STARD13: variants seen among roughly 807,000 people sequenced by gnomAD.
STARD13 encodes the protein stAR-related lipid transfer protein 13.
In STARD13, 62 loss-of-function variants were observed where a neutral mutation model predicts 106.4. That is an observed-to-expected ratio of 0.58 (90% confidence interval 0.48 to 0.72). The LOEUF is 0.72. Among genes scored for constraint, STARD13 ranks in the 30% least tolerant of loss-of-function variants. STARD13 has a pLI of 0.00. For missense variants in STARD13, 1,387 were observed against 1,424.0 expected (o/e 0.97, Z 0.42); for synonymous variants, 565 against 553.0 (o/e 1.02, Z -0.31).
the STARD13 span, among the ~76,000 whole-genome samples, chr13:33,416,419 G>A: frequency 1.3e-5 from 2 of 152,194 alleles, no homozygotes; most frequent in African/African-American, 4.8e-5. Flanking sequence ...CAGATAGACT[G>A]GAAGTGTGCA....
At chr13:33,492,210 C>A in the STARD13 span, among the ~76,000 whole-genome samples, 2 of 152,130 alleles carry the variant, frequency 1.3e-5, no homozygotes, top group Non-Finnish European at 2.9e-5. Context: ...TGTATATGTG[C>A]AGGTCACAGG....
At chr13:33,423,746 A>G in the STARD13 span, among the ~76,000 whole-genome samples, 1 of 152,230 alleles carries the variant, frequency 6.6e-6, no homozygotes. Flanking sequence ...CATATACATC[A>G]TGGAATACTA....
At chr13:33,272,048 T>C (rs1416438131) in intron 1 of STARD13, among the ~76,000 whole-genome samples, 1 of 152,180 alleles carries the variant, frequency 6.6e-6, no homozygotes, top group Non-Finnish European at 1.5e-5. Context: ...TATGTTTATT[T>C]TCCAGATGAG....
chr13:33,158,829 G>A (rs1012785558), intron 3 of STARD13: 3 of 152,152 alleles, frequency 2.0e-5, no homozygotes, highest in Admixed American at 6.5e-5. Flanking sequence ...TGGATCTCAA[G>A]AGGAAGGGAA....
chr13:33,407,170 C>T, the STARD13 span, among the ~76,000 whole-genome samples: 4 of 152,312 alleles, frequency 2.6e-5, no homozygotes, highest in South Asian at 8.3e-4. Flanking sequence ...GCTACAAAGA[C>T]TAAAGGCATG....
chr13:33,652,249 C>G, the STARD13 span, among the ~76,000 whole-genome samples: 1 of 152,218 alleles, frequency 6.6e-6, no homozygotes, highest in Admixed American at 6.5e-5. Flanking sequence ...TCTCCCTCCT[C>G]AGCTTCAGCT....
At chr13:33,335,622 C>T (rs1184513514) in intron 1 of STARD13, among the ~76,000 whole-genome samples, 3 of 152,230 alleles carry the variant, frequency 2.0e-5, no homozygotes, top group Non-Finnish European at 4.4e-5. Context: ...AGGTTAGTAA[C>T]GGTAAGCATA....
At chr13:33,621,247 A>G in the STARD13 span, among the ~76,000 whole-genome samples, 1 of 152,172 alleles carries the variant, frequency 6.6e-6, no homozygotes, top group Non-Finnish European at 1.5e-5. Flanking sequence ...TATTAACATC[A>G]GCAGTAACAG....
chr13:33,582,218 T>G, the STARD13 span, among the ~76,000 whole-genome samples: 1 of 140,764 alleles, frequency 7.1e-6, no homozygotes, highest in African/African-American at 2.9e-5. Flanking sequence ...TGAGACTCCA[T>G]CTCAAAAAAA....
At chr13:33,342,757 T>C (rs963892476) in intron 1 of STARD13, among the ~76,000 whole-genome samples, 1 of 152,242 alleles carries the variant, frequency 6.6e-6, no homozygotes, top group Admixed American at 6.5e-5. Context: ...TCACAAAAGA[T>C]TATGTAATAT....
the STARD13 span, among the ~76,000 whole-genome samples, chr13:33,596,609 A>C: frequency 6.6e-6 from 1 of 152,158 alleles, no homozygotes; most frequent in Admixed American, 6.5e-5. Flanking sequence ...ATTGTTAACT[A>C]CAGTTACTAC....
At chr13:33,135,377 T>C (rs1878921317) in intron 4 of STARD13, among the ~76,000 whole-genome samples, 1 of 152,194 alleles carries the variant, frequency 6.6e-6, no homozygotes, top group Non-Finnish European at 1.5e-5. Flanking sequence ...CCAGTCTGGG[T>C]GTAGTCAAAT....
the STARD13 span, among the ~76,000 whole-genome samples, chr13:33,439,048 A>G: frequency 2.0e-5 from 3 of 152,236 alleles, no homozygotes; most frequent in Non-Finnish European, 2.9e-5. Flanking sequence ...GTTCCTTTCT[A>G]TGTATAAGCA....
chr13:33,320,902 C>A (rs1332207672), intron 1 of STARD13, among the ~76,000 whole-genome samples: 1 of 152,114 alleles, frequency 6.6e-6, no homozygotes. Context: ...TCCCTCTATG[C>A]AAGTAAACAC....
At chr13:33,382,512 T>C in the STARD13 span, among the ~76,000 whole-genome samples, 1 of 152,202 alleles carries the variant, frequency 6.6e-6, no homozygotes, top group Non-Finnish European at 1.5e-5. Context: ...GTCCTTTCAG[T>C]AGGCTCTGAA....
At chr13:33,533,424 T>C in the STARD13 span, among the ~76,000 whole-genome samples, 2 of 152,196 alleles carry the variant, frequency 1.3e-5, no homozygotes, top group African/African-American at 4.8e-5. Flanking sequence ...ACTGTTCTTG[T>C]GCCAAAAGGT....
At chr13:33,420,052 C>T in the STARD13 span, among the ~76,000 whole-genome samples, 1 of 152,288 alleles carries the variant, frequency 6.6e-6, no homozygotes, top group South Asian at 2.1e-4. Context: ...CAACAATTTA[C>T]AGGCAAAATA....
At chr13:33,311,798 G>A (rs897944179) in intron 1 of STARD13, among the ~76,000 whole-genome samples, 3 of 152,212 alleles carry the variant, frequency 2.0e-5, no homozygotes, top group African/African-American at 7.2e-5. Context: ...GCAGCCGTGA[G>A]AGAAGATGAG....
the STARD13 span, among the ~76,000 whole-genome samples, chr13:33,440,550 T>A: frequency 6.6e-6 from 1 of 151,920 alleles, no homozygotes; most frequent in East Asian, 2.0e-4. Flanking sequence ...TATCATTTTC[T>A]TGGTGGGCTC....
Sources: gnomAD v4.1 joint callset for allele counts (sites outside exome capture counted in the v4.1 genomes callset) on GRCh38, gnomAD v4.1.1 for gene constraint, MANE v1.5 for transcripts, NCBI Gene and HGNC (gene_info 2026-07-23, HGNC 2026-07-21) for gene names.